EXT2: variants seen among roughly 807,000 people sequenced by gnomAD.
EXT2 encodes the protein exostosin-2.
EXT2 carries 53 observed loss-of-function variants against 81.6 expected under a neutral mutation model. That is an observed-to-expected ratio of 0.65 (90% CI 0.52 to 0.82). The LOEUF (loss-of-function observed/expected upper bound fraction) is 0.82, where lower values mean the gene tolerates loss of function less well. EXT2 is among the 40% of genes least tolerant of loss of function. The probability of loss-of-function intolerance (pLI) is 0.00; values close to 1 mark genes in which losing one functional copy is unlikely to be tolerated. For synonymous variants in EXT2, 320 were observed against 340.0 expected (o/e 0.94, Z 0.65); for missense variants, 774 against 910.2 (o/e 0.85, Z 1.93).
At chr11:44,210,607 A>T (rs976758797) in intron 10 of EXT2, among the ~76,000 whole-genome samples, 2 of 152,182 alleles carry the variant, frequency 1.3e-5, no homozygotes, top group South Asian at 4.1e-4. Context: ...TTACTGGTGT[A>T]TACAGATGCC....
At chr11:44,107,577 C>T in intron 1 of EXT2, 106 bp from the exon 2 acceptor site, 1 of 1,073,356 alleles carries the variant, frequency 9.3e-7, no homozygotes. Context: ...GAGTGAAACC[C>T]TGTCTCAAAA....
intron 8 of EXT2, among the ~76,000 whole-genome samples, chr11:44,191,446 T>C (rs116505367): frequency 0.018 from 2,700 of 152,356 alleles, 88 homozygotes; most frequent in African/African-American, 0.061. Context: ...GAGCTTTGCC[T>C]CTTCTCCAGC....
intron 4 of EXT2, among the ~76,000 whole-genome samples, chr11:44,124,044 T>C (rs1954357241): frequency 6.6e-6 from 1 of 152,102 alleles, no homozygotes; most frequent in African/African-American, 2.4e-5. Context: ...ATCTGTCTCT[T>C]GTGGAGATCT....
At chr11:44,178,882 T>A (rs1955195688) in intron 8 of EXT2, among the ~76,000 whole-genome samples, 1 of 152,246 alleles carries the variant, frequency 6.6e-6, no homozygotes, top group African/African-American at 2.4e-5. Context: ...ATTGTTTTTA[T>A]AGGTATCACA....
At chr11:44,175,620 T>C (rs368289326) in intron 8 of EXT2, among the ~76,000 whole-genome samples, 14 of 152,196 alleles carry the variant, frequency 9.2e-5, no homozygotes, top group Non-Finnish European at 1.5e-4. Flanking sequence ...AAGTAACTCT[T>C]AGAGCATGTT....
intron 7 of EXT2, among the ~76,000 whole-genome samples, chr11:44,130,931 A>C (rs1954484602): frequency 6.6e-6 from 1 of 152,254 alleles, no homozygotes. Flanking sequence ...AGCCTCAGGC[A>C]GAGAGCCTGC....
intron 6 of EXT2, 63 bp from the exon 7 acceptor site, chr11:44,129,980 CTG>C: frequency 1.6e-6 from 2 of 1,224,188 alleles, no homozygotes; most frequent in Non-Finnish European, 2.4e-6. Context: ...TGAAACAAGA[CTG>C]TGTGTAGAAA....
chr11:44,114,164 A>G lies in EXT2; in HGVS notation c.627-21A>G, dbSNP rs200298676. On this transcript the variant is annotated intron_variant, in intron 3 of 13. Coordinates refer to ENST00000533608, the MANE Select transcript of EXT2 (RefSeq NM_207122.2). ...TAAAGTCCTTTCTTTCTCATCGTTT[A>G]ACAAAATACTTTGCTTTCAGGGCCC... 48 of 1,604,936 alleles carry G rather than the reference A, an allele frequency of 3.0e-5. No individual in the cohort carries two copies. In the East Asian group the frequency reaches 1.0e-3, roughly 34 times the overall value.
chr11:44,163,531 C>T (rs1590610180), intron 7 of EXT2, among the ~76,000 whole-genome samples: 1 of 152,092 alleles, frequency 6.6e-6, no homozygotes, highest in East Asian at 1.9e-4. Flanking sequence ...TTAAAGCCAA[C>T]AAATGAAAAG....
At chr11:44,115,749 CAGG>C (rs1464426594) in intron 4 of EXT2, among the ~76,000 whole-genome samples, 3 of 152,120 alleles carry the variant, frequency 2.0e-5, no homozygotes, top group Non-Finnish European at 2.9e-5. Flanking sequence ...GAACTTTTCT[CAGG>C]AGAAGACATC....
chr11:44,164,583 T>C (rs1247444375), intron 7 of EXT2, among the ~76,000 whole-genome samples: 2 of 152,238 alleles, frequency 1.3e-5, no homozygotes, highest in African/African-American at 2.4e-5. Flanking sequence ...CAATTTGGAG[T>C]TCCATTTTGC....
chr11:44,234,394 A>T (rs1323552131), intron 12 of EXT2, 151 bp downstream of exon 12: 1 of 775,988 alleles, frequency 1.3e-6, no homozygotes. Flanking sequence ...ATGCGGTCAC[A>T]TTGGGAAATT....
At chr11:44,144,313 T>C (rs1170667487) in intron 7 of EXT2, 1 of 1,598,418 alleles carries the variant, frequency 6.3e-7, no homozygotes, top group Admixed American at 1.7e-5. Context: ...CTCCCTGATC[T>C]GGCCTAGGGA....
intron 7 of EXT2, among the ~76,000 whole-genome samples, chr11:44,148,827 A>G (rs914123605): frequency 6.6e-6 from 1 of 152,118 alleles, no homozygotes; most frequent in Non-Finnish European, 1.5e-5. Context: ...GATGATGGTG[A>G]GCATCGTCAT....
chr11:44,132,819 A>G (rs1954512824), intron 7 of EXT2, among the ~76,000 whole-genome samples: 1 of 152,054 alleles, frequency 6.6e-6, no homozygotes, highest in Non-Finnish European at 1.5e-5. Context: ...CGGACCATCT[A>G]AAGCTCTCCA....
At chr11:44,099,568 C>T (rs1953953537) in intron 1 of EXT2, among the ~76,000 whole-genome samples, 2 of 152,032 alleles carry the variant, frequency 1.3e-5, no homozygotes, top group African/African-American at 2.4e-5. Context: ...GTGATTCTTC[C>T]GCCTCAGCCT....
intron 8 of EXT2, among the ~76,000 whole-genome samples, chr11:44,174,608 C>T (rs988930791): frequency 6.6e-5 from 10 of 152,098 alleles, no homozygotes; most frequent in Non-Finnish European, 1.0e-4. Context: ...TTACTGACCT[C>T]TACAGTTGTT....
chr11:44,175,291 A>T (rs1219482140), intron 8 of EXT2, among the ~76,000 whole-genome samples: 1 of 152,200 alleles, frequency 6.6e-6, no homozygotes, highest in African/African-American at 2.4e-5. Flanking sequence ...ATTTGGTTGC[A>T]TGAGGAGTCA....
In EXT2 at chr11:44,246,772, G is replaced by A. The variant is rs1171196563; in HGVS notation, c.*2485G>A. Among the ~76,000 whole-genome samples the A allele has an allele frequency of 2.0e-5, 3 of 152,184 alleles. No individual in the cohort carries two copies. ...CACTTTATTGTTCGTGTATTTCTGA[G>A]CTGCTAACCAGCAAACCTCACCCAT... On this transcript the variant is annotated 3_prime_UTR_variant, in exon 14 of 14. Transcript: ENST00000533608.
Sources: gnomAD v4.1 joint callset for allele counts (sites outside exome capture counted in the v4.1 genomes callset) on GRCh38, gnomAD v4.1.1 for gene constraint, MANE v1.5 for transcripts, NCBI Gene and HGNC (gene_info 2026-07-23, HGNC 2026-07-21) for gene names.